SPACA6: variants seen among roughly 807,000 people sequenced by gnomAD.
SPACA6 encodes the protein sperm acrosome associated 6, also known as sperm acrosome membrane-associated protein 6.
For missense variants in SPACA6, 8 were observed against 2.8 expected (o/e 2.88, Z -1.34); for synonymous variants, 6 against 1.5 (o/e 4.05, Z -2.21).
In SPACA6 at chr19:51,703,986, G is replaced by T; in HGVS notation, c.574-44G>T. 1 of 400,410 alleles carries T rather than the reference G, an allele frequency of 2.5e-6. No individual in the cohort carries two copies. The allele number at this position is 400,410 out of a possible 1,614,324, so 24.8% of individuals were successfully genotyped here. ...GGGGGCGGGGCTTGTAGGTTACTCAGTGGCAAGCCGGAGTTGAGGCGTTTA... is the reference window on the plus strand; with the variant it reads ...GGGGGCGGGGCTTGTAGGTTACTCATTGGCAAGCCGGAGTTGAGGCGTTTA... On this transcript the variant is annotated intron_variant, in intron 6 of 8. Transcript: ENST00000637797. The surrounding 1 kb of genome is among the most constrained non-coding windows in gnomAD (Gnocchi z 4.2).
chr19:51,689,956 G>A (rs2083355382), upstream of SPACA6, among the ~76,000 whole-genome samples: 1 of 146,280 alleles, frequency 6.8e-6, no homozygotes, highest in Non-Finnish European at 1.5e-5. Flanking sequence ...CTGGAGGGGA[G>A]GGGGAGGCGC....
chr19:51,709,126 G>A (rs1228348684), downstream of SPACA6, among the ~76,000 whole-genome samples: 2 of 151,738 alleles, frequency 1.3e-5, no homozygotes, highest in Admixed American at 6.6e-5. Flanking sequence ...CACTTTGGGG[G>A]ACCGAGGCTT....
upstream of SPACA6, among the ~76,000 whole-genome samples, chr19:51,688,941 G>GGAGAGAGGGAGAGAGGGAGA (rs2083344126): frequency 6.7e-6 from 1 of 149,978 alleles, no homozygotes; most frequent in Non-Finnish European, 1.5e-5. Flanking sequence ...AGGGAGGGAG[G>GGAGAGAGGGAGAGAGGGAGA]GAGAGAGGGA....
chr19:51,691,276 GGAAGGAGAGAGA>G (rs2122184460), upstream of SPACA6, among the ~76,000 whole-genome samples: 1 of 151,566 alleles, frequency 6.6e-6, no homozygotes, highest in South Asian at 2.1e-4. Context: ...TAAGAGGGAG[GGAAGGAGAGAGA>G]GAGGGAGAGA....
At chr19:51,709,575 A>C (rs2122236264), downstream of SPACA6, among the ~76,000 whole-genome samples, 1 of 143,232 alleles carries the variant, frequency 7.0e-6, no homozygotes, top group East Asian at 2.1e-4. Flanking sequence ...TGACTGCACC[A>C]CTGCAGTCCA....
upstream of SPACA6, among the ~76,000 whole-genome samples, chr19:51,691,270 A>AGGGAGGGAAGGAGAGAGAGAGG (rs546409785): frequency 3.1e-4 from 47 of 150,698 alleles, no homozygotes; most frequent in East Asian, 7.1e-3. Context: ...GAGACCTAAG[A>AGGGAGGGAAGGAGAGAGAGAGG]GGGAGGGAAG....
At position 51,711,670 on chromosome 19, in the gene SPACA6, A is replaced by G. The variant is rs983438734; in HGVS notation, n.200-363A>G. ...CATCAACTGATAAATACATAAACACAATGCAATATAGCCATACTGTGGACT... is the reference window on the plus strand; with the variant it reads ...CATCAACTGATAAATACATAAACACGATGCAATATAGCCATACTGTGGACT... On this transcript the variant is annotated intron_variant and non_coding_transcript_variant, in intron 2 of 2. Transcript: ENST00000573896. Among the ~76,000 whole-genome samples the G allele has an allele frequency of 2.0e-5, 3 of 152,328 alleles. 1 individual carries two copies. In the South Asian group the frequency reaches 6.2e-4, roughly 32 times the overall value.
In SPACA6 at chr19:51,700,899, G is replaced by A. The variant is rs113499615; in HGVS notation, c.293-759G>A. Among the ~76,000 whole-genome samples the A allele has an allele frequency of 5.9e-3, 905 of 152,228 alleles. 8 individuals carry two copies. Among genetic ancestry groups the A allele is most frequent in the African/African-American group, 0.021 (876 of 41,530 alleles). The stretch of plus-strand genomic sequence containing the variant: ...AAGCCAGCATGTGCAAAGGCCCTGA[G>A]GTGCTAGGGAATGTGGTGGTTTTCA... On this transcript the variant is annotated intron_variant, in intron 2 of 8. Coordinates refer to ENST00000637797, the MANE Select transcript of SPACA6 (RefSeq NM_001316972.2).
intron 2 of SPACA6, among the ~76,000 whole-genome samples, chr19:51,711,531 T>C: frequency 6.6e-6 from 1 of 152,218 alleles, no homozygotes; most frequent in Non-Finnish European, 1.5e-5. Flanking sequence ...AGCAATTCAA[T>C]TTCTAAGTAT....
chr19:51,704,212 T>C (rs879381616), intron 7 of SPACA6, 26 bp downstream of exon 7: 16 of 400,642 alleles, frequency 4.0e-5, no homozygotes, highest in Admixed American at 2.2e-4. Context: ...GCCGCGTGAG[T>C]GAGCGGGGTC....
chr19:51,699,652 CT>C (rs2083454468), intron 2 of SPACA6, among the ~76,000 whole-genome samples: 1 of 152,144 alleles, frequency 6.6e-6, no homozygotes, highest in Non-Finnish European at 1.5e-5. Context: ...CTGTGTGCAT[CT>C]CTGTGTCCTA....
chr19:51,690,957 T>G (rs1318329374), upstream of SPACA6, among the ~76,000 whole-genome samples: 2 of 151,716 alleles, frequency 1.3e-5, no homozygotes, highest in Non-Finnish European at 2.9e-5. Flanking sequence ...CTCCCCACCT[T>G]GGCCTGACTC....
chr19:51,699,822 G>A (rs971482423), intron 2 of SPACA6, among the ~76,000 whole-genome samples: 3 of 152,096 alleles, frequency 2.0e-5, no homozygotes, highest in Non-Finnish European at 4.4e-5. Context: ...GGGGATGGGG[G>A]GTGGGCGGCA....
At chr19:51,700,429 GT>G (rs1485750932) in intron 2 of SPACA6, among the ~76,000 whole-genome samples, 1 of 152,182 alleles carries the variant, frequency 6.6e-6, no homozygotes, top group African/African-American at 2.4e-5. Context: ...CGATCTCTGT[GT>G]TACAGCTCTT....
chr19:51,686,344 G>A (rs1317622957), upstream of SPACA6: 4 of 152,186 alleles, frequency 2.6e-5, no homozygotes, highest in Non-Finnish European at 5.9e-5. Context: ...TGAGGACACA[G>A]AAATGACTCA....
downstream of SPACA6, among the ~76,000 whole-genome samples, chr19:51,712,828 T>C (rs1361402563): frequency 6.6e-6 from 1 of 152,132 alleles, no homozygotes; most frequent in Admixed American, 6.5e-5. Context: ...GTTACCCTTC[T>C]AAGTAGACGG....
upstream of SPACA6, chr19:51,686,880 A>G (rs965500024): frequency 6.6e-6 from 1 of 152,224 alleles, no homozygotes; most frequent in Non-Finnish European, 1.5e-5. Context: ...TGTTGTCATT[A>G]TTATTATCCC....
rs144597126 is a variant in SPACA6 at position 51,705,185 on chromosome 19, A to G, written c.*62A>G. The G allele has an allele frequency of 7.5e-5, 30 of 401,036 alleles. No homozygotes were observed. In the East Asian group the frequency reaches 1.1e-3, roughly 14 times the overall value. 24.8% of individuals were successfully genotyped at this position (401,036 alleles called of 1,614,324 possible). On this transcript the variant is annotated 3_prime_UTR_variant, in exon 9 of 9. Transcript: ENST00000637797. ...TCCTGAAAATAAAGAATATATTTCA[A>G]CTCTAGATTGTTTCATCTCCGAAGG...
At chr19:51,690,135 C>G (rs1173338282), upstream of SPACA6, among the ~76,000 whole-genome samples, 2 of 151,402 alleles carry the variant, frequency 1.3e-5, no homozygotes, top group Non-Finnish European at 2.9e-5. Flanking sequence ...CTCGGGGACC[C>G]GGGATTCCAG....
Sources: gnomAD v4.1 joint callset for allele counts (sites outside exome capture counted in the v4.1 genomes callset) on GRCh38, gnomAD v4.1.1 for gene constraint, Gnocchi (gnomAD v3.1) non-coding constraint, MANE v1.5 for transcripts, NCBI Gene and HGNC (gene_info 2026-07-23, HGNC 2026-07-21) for gene names.